ZFHX3: variants seen among roughly 807,000 people sequenced by gnomAD.
The protein encoded by ZFHX3 is zinc finger homeobox protein 3.
In ZFHX3, 42 loss-of-function variants were observed where a neutral mutation model predicts 279.1. The observed-to-expected ratio is 0.15, with a 90% CI of 0.12 to 0.19. ZFHX3 has a LOEUF of 0.19. Among genes scored for constraint, ZFHX3 ranks in the 10% least tolerant of loss-of-function variants. The pLI is 1.00. For missense variants in ZFHX3, 4,981 were observed against 4,754.0 expected, an observed-to-expected ratio of 1.05 and a Z score of -1.40; for synonymous variants, 2,293 against 1,957.8, an observed-to-expected ratio of 1.17 and a Z score of -4.52.
At position 73,800,507 on chromosome 16, in the gene ZFHX3, G is replaced by T. The variant is rs902769709; in HGVS notation, c.-1608+91144C>A. On this transcript the variant is annotated intron_variant, in intron 1 of 17. Transcript: ENST00000641206. ...GCTGCGATTACAGGCATGAGCCACC[G>T]TGCTGGGCCTACTATTGTTATTTAT... Among the ~76,000 whole-genome samples the T allele has an allele frequency of 2.0e-5, 3 of 152,096 alleles. No individual in the cohort carries two copies. The South Asian group carries it at 6.2e-4, about 32-fold the overall frequency.
intron 2 of ZFHX3, among the ~76,000 whole-genome samples, chr16:73,585,000 A>G (rs997888298): frequency 6.6e-6 from 1 of 152,254 alleles, no homozygotes; most frequent in African/African-American, 2.4e-5. Context: ...ACTAATCATT[A>G]AAGAAATGCA....
rs146292665 is a variant in ZFHX3 at position 73,709,116 on chromosome 16, A to T, written c.-1607-28876T>A. On this transcript the variant is annotated intron_variant, in intron 1 of 17. Coordinates refer to the ZFHX3 transcript ENST00000641206. ...CATGTCTACTGCAGCATTATTCACAATGGCCAAGACATGAAATCATCCTAA... is the reference window on the plus strand; with the variant it reads ...CATGTCTACTGCAGCATTATTCACATTGGCCAAGACATGAAATCATCCTAA... 8.7e-3 allele frequency among the ~76,000 whole-genome samples: 1,317 copies of T among 152,252 alleles called. 11 individuals carry two copies. The highest frequency in any genetic ancestry group is 0.024 in the Middle Eastern group (7 of 294).
At chr16:73,683,224 T>C (rs914795542) in intron 1 of ZFHX3, among the ~76,000 whole-genome samples, 1 of 152,158 alleles carries the variant, frequency 6.6e-6, no homozygotes, top group Non-Finnish European at 1.5e-5. Flanking sequence ...CCACAAGTCT[T>C]GTGAAATAGT....
Position 72,788,169 on chromosome 16 carries a change from C to G in ZFHX3, c.10107G>C (p.Gln3369His), listed in dbSNP as rs772521637. ...SLLQQYQQYQ[Q>H]SLQEAIQQQQ... is the part of the protein sequence containing the mutation. ...GCTGCTGAATTGCCTCCTGCAGACTCTGCTGGTATTGCTGGTACTGCTGCA... is the reference window on the plus strand; with the variant it reads ...GCTGCTGAATTGCCTCCTGCAGACTGTGCTGGTATTGCTGGTACTGCTGCA... The change falls in exon 10 of 10, where the codon CAG (glutamine) becomes CAC (histidine). Residue 3369 changes from glutamine (Q) to histidine (H), a missense_variant. Coordinates refer to ENST00000268489, the MANE Select transcript of ZFHX3 (RefSeq NM_006885.4). 1 of 1,612,510 alleles carries G rather than the reference C, an allele frequency of 6.2e-7. No individual in the cohort carries two copies. Among genetic ancestry groups the G allele is most frequent in the Non-Finnish European group, 8.5e-7 (1 of 1,179,426 alleles).
At chr16:72,946,865 C>T (rs985443067) in intron 3 of ZFHX3, among the ~76,000 whole-genome samples, 1 of 152,164 alleles carries the variant, frequency 6.6e-6, no homozygotes, top group African/African-American at 2.4e-5. Context: ...CATGTGAAAG[C>T]AGAAGGATGA....
At chr16:73,371,451 C>T (rs538522576) in intron 3 of ZFHX3, among the ~76,000 whole-genome samples, 47 of 151,982 alleles carry the variant, frequency 3.1e-4, no homozygotes, top group African/African-American at 1.1e-3. Context: ...GTGGCGCCAA[C>T]TCGGCTCGCT....
rs893359877 is a variant in ZFHX3, at chr16:72,797,428, C to G, written c.5254G>C (p.Val1752Leu). 6.2e-7 allele frequency: 1 copy of G among 1,613,010 alleles called. No individual in the cohort carries two copies. The highest frequency in any genetic ancestry group is 8.5e-7 in the Non-Finnish European group (1 of 1,179,580). The change falls in exon 9 of 10, where the codon GTT becomes CTT. Residue 1752 changes from valine to leucine, a missense_variant. Around this residue, in one of 7 missense-constraint regions of ZFHX3, gnomAD observed 1,751 missense variants for 1,770.0 expected, o/e 0.99. Coordinates refer to ENST00000268489, the MANE Select transcript of ZFHX3 (RefSeq NM_006885.4). ...AQTLAQAQAQ[V>L]QAHLQQELQQ... Reference sequence around the variant, plus strand: ...AGCTCCTGCTGCAGGTGAGCTTGAACTTGAGCCTGGGCCTGGGCCAGCGTT... The same window carrying G: ...AGCTCCTGCTGCAGGTGAGCTTGAAGTTGAGCCTGGGCCTGGGCCAGCGTT...
At chr16:73,764,328 A>T (rs149587908) in intron 1 of ZFHX3, among the ~76,000 whole-genome samples, 79 of 152,240 alleles carry the variant, frequency 5.2e-4, no homozygotes, top group African/African-American at 1.9e-3. Flanking sequence ...CTGGCTCCCT[A>T]TGAGAAATCT....
chr16:72,983,247 T>C (rs1962689251), intron 1 of ZFHX3, among the ~76,000 whole-genome samples: 1 of 152,090 alleles, frequency 6.6e-6, no homozygotes, highest in Admixed American at 6.5e-5. Flanking sequence ...TGAGTGACAT[T>C]TTTAGGAAGA....
At chr16:73,274,429 C>T (rs2143037799) in intron 4 of ZFHX3, among the ~76,000 whole-genome samples, 1 of 152,286 alleles carries the variant, frequency 6.6e-6, no homozygotes, top group Non-Finnish European at 1.5e-5. Flanking sequence ...AGAAAGTGTG[C>T]CCTCTTCAGT....
At chr16:72,834,708 A>G (rs1277318004) in intron 4 of ZFHX3, among the ~76,000 whole-genome samples, 1 of 152,094 alleles carries the variant, frequency 6.6e-6, no homozygotes, top group African/African-American at 2.4e-5. Flanking sequence ...GAAGCCAAAA[A>G]TAGAGGTGGC....
intron 5 of ZFHX3, among the ~76,000 whole-genome samples, chr16:73,253,841 T>C (rs74030012): frequency 0.015 from 2,286 of 152,068 alleles, 41 homozygotes; most frequent in African/African-American, 0.042. Flanking sequence ...GTTTGGGAGA[T>C]TGATTATGTG....
chr16:73,359,352 G>T (rs2016397514), intron 3 of ZFHX3, among the ~76,000 whole-genome samples: 1 of 152,146 alleles, frequency 6.6e-6, no homozygotes, highest in Non-Finnish European at 1.5e-5. Flanking sequence ...GAATAAGAGG[G>T]CAAGAGGCTT....
At chr16:73,593,795 T>C (rs2052022606) in intron 2 of ZFHX3, among the ~76,000 whole-genome samples, 2 of 152,130 alleles carry the variant, frequency 1.3e-5, no homozygotes, top group African/African-American at 4.8e-5. Context: ...AGAAAAATGA[T>C]AACAGTTTAC....
intron 3 of ZFHX3, among the ~76,000 whole-genome samples, chr16:72,901,538 A>T (rs2039035576): frequency 6.6e-6 from 1 of 152,196 alleles, no homozygotes; most frequent in South Asian, 2.1e-4. Context: ...CTTAAAAGAG[A>T]GAATGAGAAA....
intron 2 of ZFHX3, among the ~76,000 whole-genome samples, chr16:73,597,654 G>C (rs2052065419): frequency 6.6e-6 from 1 of 152,172 alleles, no homozygotes; most frequent in Non-Finnish European, 1.5e-5. Context: ...CACAAGCCAA[G>C]GATGGCCAAG....
chr16:73,349,147 C>CCACTCAGGGA, intron 3 of ZFHX3, among the ~76,000 whole-genome samples: 1 of 111,642 alleles, frequency 9.0e-6, no homozygotes, highest in Non-Finnish European at 2.4e-5. Flanking sequence ...TTGTGTCTTC[C>CCACTCAGGGA]TGCTACCTCT....
chr16:72,910,145 A>C (rs2039282354), intron 3 of ZFHX3, among the ~76,000 whole-genome samples: 2 of 152,162 alleles, frequency 1.3e-5, no homozygotes, highest in Admixed American at 6.5e-5. Context: ...AATAAGGGTT[A>C]AGGTTATACA....
At chr16:73,318,303 G>A (rs1392822587) in exon 4 of ZFHX3, 2 of 152,008 alleles carry the variant, frequency 1.3e-5, no homozygotes, top group Admixed American at 1.3e-4. Flanking sequence ...AGCCATTCTC[G>A]GCCCGACCTC....
Sources: gnomAD v4.1 joint callset for allele counts (sites outside exome capture counted in the v4.1 genomes callset) on GRCh38, gnomAD v4.1.1 for gene constraint, gnomAD v4.1.1 regional missense constraint, MANE v1.5 for transcripts, NCBI Gene and HGNC (gene_info 2026-07-23, HGNC 2026-07-21) for gene names.